The following NUP188 variants were observed in gnomAD, a reference collection of about 807,000 sequenced individuals.
NUP188 encodes the protein nucleoporin 188.
In NUP188, 97 loss-of-function variants were observed where a neutral mutation model predicts 223.0. That is an observed-to-expected ratio of 0.43 (90% CI 0.37 to 0.51). The LOEUF (loss-of-function observed/expected upper bound fraction) is 0.51. Among genes scored for constraint, NUP188 ranks in the 20% least tolerant of loss-of-function variants. NUP188 has a pLI of 0.00. For synonymous variants in NUP188, 869 were observed against 828.0 expected (o/e 1.05, Z -0.85); for missense variants, 1,947 against 2,175.6 (o/e 0.89, Z 2.09).
chr9:128,971,177 T>C (rs974780619), intron 11 of NUP188, among the ~76,000 whole-genome samples: 1 of 152,216 alleles, frequency 6.6e-6, no homozygotes, highest in Non-Finnish European at 1.5e-5. Flanking sequence ...TTCTGTTTTA[T>C]ACATTAGGAA....
At chr9:128,973,379 A>G (rs1279909002) in intron 12 of NUP188, 130 bp downstream of exon 12, 1 of 619,900 alleles carries the variant, frequency 1.6e-6, no homozygotes, top group Non-Finnish European at 2.8e-6. Flanking sequence ...TCATTTTTTT[A>G]TTTACTTTTT....
chr9:128,968,723 T>C lies in NUP188; in HGVS notation c.797+6T>C, dbSNP rs1842066349. On this transcript the variant is annotated splice_donor_region_variant and intron_variant, in intron 9 of 43. Coordinates refer to ENST00000372577, the MANE Select transcript of NUP188 (RefSeq NM_015354.3). ...CCTTTTGTAGATCGGATTGGGTAAG[T>C]CAGTGAATTGAACATCATGGAACTT... 1.9e-6 allele frequency: 3 copies of C among 1,605,988 alleles called. No homozygotes were observed. The highest frequency in any genetic ancestry group is 2.7e-5 in the African/African-American group (2 of 74,782).
intron 8 of NUP188, among the ~76,000 whole-genome samples, chr9:128,967,828 G>A (rs1842052455): frequency 6.6e-6 from 1 of 152,026 alleles, no homozygotes; most frequent in Non-Finnish European, 1.5e-5. Flanking sequence ...GCTAGACATG[G>A]TGCTAACCTG....
At chr9:128,993,174 C>T (rs759442233) in intron 25 of NUP188, 23 bp from the exon 26 acceptor site, 1 of 1,599,508 alleles carries the variant, frequency 6.3e-7, no homozygotes, top group Non-Finnish European at 8.6e-7. Flanking sequence ...AGCTCTAAGC[C>T]TGTGTGTTCC....
At chr9:128,987,438 G>T in intron 22 of NUP188, 151 bp from the exon 23 acceptor site, 1 of 617,700 alleles carries the variant, frequency 1.6e-6, no homozygotes, top group Non-Finnish European at 2.7e-6. Flanking sequence ...GTCTGTTTCA[G>T]GAAAGTGATC....
At chr9:128,951,511 C>T (rs371086671) in intron 2 of NUP188, among the ~76,000 whole-genome samples, 2 of 151,948 alleles carry the variant, frequency 1.3e-5, no homozygotes, top group South Asian at 2.1e-4. Context: ...ACCACAACAT[C>T]ATTTATATTA....
At position 129,006,371 on chromosome 9, in the gene NUP188, A is replaced by G; in HGVS notation, c.5073+3A>G. 5 of 1,614,180 alleles carry G rather than the reference A, an allele frequency of 3.1e-6. No individual in the cohort carries two copies. Among genetic ancestry groups the G allele is most frequent in the Non-Finnish European group, 4.2e-6 (5 of 1,180,026 alleles). On this transcript the variant is annotated splice_donor_region_variant and intron_variant, in intron 43 of 43. Transcript: ENST00000372577. ...AGCAGGAGCTCAGCTCTGAGTTGGTACGGATGGATAGGGATACGGAGGGCT... is the reference window on the plus strand; with the variant it reads ...AGCAGGAGCTCAGCTCTGAGTTGGTGCGGATGGATAGGGATACGGAGGGCT...
At chr9:128,985,653 A>G (rs1232145273) in intron 20 of NUP188, among the ~76,000 whole-genome samples, 1 of 152,202 alleles carries the variant, frequency 6.6e-6, no homozygotes, top group African/African-American at 2.4e-5. Context: ...AGAATGCTAT[A>G]TGGTCTCTAC....
At chr9:128,981,418 A>G in intron 15 of NUP188, 28 bp downstream of exon 15, 7 of 1,574,286 alleles carry the variant, frequency 4.4e-6, no homozygotes, top group Middle Eastern at 3.4e-4. Flanking sequence ...CCCTTTTATG[A>G]CAGCTTTTTT....
At chr9:128,975,465 G>A (rs958846526) in intron 12 of NUP188, among the ~76,000 whole-genome samples, 9 of 150,788 alleles carry the variant, frequency 6.0e-5, no homozygotes, top group South Asian at 2.1e-4. Context: ...CTCGTGATCC[G>A]CCCGCCTCAG....
chr9:128,977,583 G>A (rs141835069), intron 12 of NUP188, among the ~76,000 whole-genome samples: 228 of 152,244 alleles, frequency 1.5e-3, no homozygotes, highest in African/African-American at 5.2e-3. Flanking sequence ...GCCAAGGCAG[G>A]CGGGCCACCT....
intron 3 of NUP188, among the ~76,000 whole-genome samples, chr9:128,955,682 T>C (rs1393986808): frequency 6.6e-6 from 1 of 152,208 alleles, no homozygotes; most frequent in Non-Finnish European, 1.5e-5. Flanking sequence ...GAAAGGACTT[T>C]GGTTTCTTAA....
At chr9:129,000,539 C>T (rs1157664818) in intron 34 of NUP188, among the ~76,000 whole-genome samples, 2 of 150,560 alleles carry the variant, frequency 1.3e-5, no homozygotes, top group East Asian at 2.0e-4. Context: ...AGGATGGCCT[C>T]GATCTCCTGA....
chr9:128,967,572 C>G (rs1320461956), intron 8 of NUP188, among the ~76,000 whole-genome samples: 1 of 151,886 alleles, frequency 6.6e-6, no homozygotes. Context: ...GGCGGATCAC[C>G]TGAGGTCAGG....
intron 8 of NUP188, among the ~76,000 whole-genome samples, chr9:128,964,055 C>T (rs2131148914): frequency 6.6e-6 from 1 of 152,164 alleles, no homozygotes; most frequent in Middle Eastern, 3.4e-3. Context: ...ACCTTGTGAT[C>T]CACCCGCCTA....
intron 12 of NUP188, among the ~76,000 whole-genome samples, chr9:128,973,654 A>G (rs936302708): frequency 1.5e-4 from 23 of 152,188 alleles, no homozygotes; most frequent in Non-Finnish European, 2.5e-4. Flanking sequence ...AAGTGCTGGG[A>G]TAACAGGCAT....
intron 8 of NUP188, among the ~76,000 whole-genome samples, chr9:128,966,236 TTCTGTCTCTG>T (rs1238686192): frequency 6.9e-6 from 1 of 145,272 alleles, no homozygotes; most frequent in East Asian, 2.0e-4. Flanking sequence ...TTAAATGGAT[TTCTGTCTCTG>T]TCTGTCTCTG....
rs778039794 is a variant in NUP188, at chr9:129,006,546, C to A, written c.5118C>A (p.Ala1706=). 9.9e-6 allele frequency: 16 copies of A among 1,614,128 alleles called. No homozygotes were observed. Among genetic ancestry groups the A allele is most frequent in the South Asian group, 8.8e-5 (8 of 91,076 alleles). ...SSLSRYFRRG[A]PSSPATGVLP... ...TCTCGCGCTACTTCCGCCGGGGAGCCCCCAGCTCCCCTGCCACTGGTGTCC... is the reference window on the plus strand; with the variant it reads ...TCTCGCGCTACTTCCGCCGGGGAGCACCCAGCTCCCCTGCCACTGGTGTCC... The change falls in exon 44 of 44, where the codon GCC becomes GCA. Residue 1706 remains alanine, a synonymous_variant. Coordinates refer to ENST00000372577, the MANE Select transcript of NUP188 (RefSeq NM_015354.3).
At chr9:128,948,985 A>T in intron 1 of NUP188, 1 of 427,408 alleles carries the variant, frequency 2.3e-6, no homozygotes, top group Non-Finnish European at 4.2e-6. Flanking sequence ...TCGACCTCCC[A>T]AAGTGCTGGG....
Sources: gnomAD v4.1 joint callset for allele counts (sites outside exome capture counted in the v4.1 genomes callset) on GRCh38, gnomAD v4.1.1 for gene constraint, MANE v1.5 for transcripts, NCBI Gene and HGNC (gene_info 2026-07-23, HGNC 2026-07-21) for gene names.